CCL11: variants seen among roughly 807,000 people sequenced by gnomAD.
The protein encoded by CCL11 is C-C motif chemokine ligand 11.
A neutral mutation model predicts 7.3 loss-of-function variants in CCL11; 7 were observed. The ratio of observed to expected loss-of-function variants is 0.96; its 90% confidence interval spans 0.55 to 1.81. CCL11 has a LOEUF of 1.81. Ranked by LOEUF, CCL11 falls within the 40% of genes most tolerant of loss-of-function variation. The pLI is 0.00. For synonymous variants in CCL11, 66 were observed against 45.2 expected (o/e 1.46, Z -1.84); for missense variants, 132 against 114.2 (o/e 1.16, Z -0.71).
Position 34,287,901 on chromosome 17 carries a change from ACT to A in CCL11, c.*212_*213del, listed in dbSNP as rs1303438758. On this transcript the variant is annotated 3_prime_UTR_variant, in exon 3 of 3. Transcript: ENST00000305869. ...CTCCATGAATATCAGTTATTTTTAA[ACT>A]GTAAAGCTTTGTGCAGATTCTTTAC... 12 of 231,642 alleles carry A rather than the reference ACT, an allele frequency of 5.2e-5. No individual in the cohort carries two copies. Among genetic ancestry groups the A allele is most frequent in the African/African-American group, 2.7e-4 (12 of 44,158 alleles). 14.3% of individuals were successfully genotyped at this position (231,642 alleles called of 1,614,324 possible).
At chr17:34,286,033 A>ACATCC in intron 1 of CCL11, 149 bp downstream of exon 1, 3 of 599,646 alleles carry the variant, frequency 5.0e-6, no homozygotes, top group Non-Finnish European at 8.8e-6. Flanking sequence ...CCTCAACCTC[A>ACATCC]CATCCAGTCA....
In CCL11 at chr17:34,285,759, C is replaced by A; in HGVS notation, c.-50C>A. 1 of 1,469,954 alleles carries A rather than the reference C, an allele frequency of 6.8e-7. No homozygotes were observed. The highest frequency in any genetic ancestry group is 1.2e-5 in the South Asian group (1 of 84,250). The allele number at this position is 1,469,954 out of a possible 1,614,324, so 91.1% of individuals were successfully genotyped here. A position where few individuals can be genotyped will look rare whatever the true frequency, so the allele number is the denominator to read the frequency against. ...AGAGGAGCAGAGAGGCTGAGACCAA[C>A]CCAGAAACCACCACCTCTCACGCCA... On this transcript the variant is annotated 5_prime_UTR_variant, in exon 1 of 3. Coordinates refer to ENST00000305869, the MANE Select transcript of CCL11 (RefSeq NM_002986.3).
intron 1 of CCL11, 39 bp from the exon 2 acceptor site, chr17:34,287,057 C>G (rs199758114): frequency 1.5e-6 from 2 of 1,371,396 alleles, no homozygotes; most frequent in East Asian, 4.6e-5. Flanking sequence ...TCATGTGGCT[C>G]ATTTTTTTCT....
intron 2 of CCL11, among the ~76,000 whole-genome samples, 153 bp downstream of exon 2, chr17:34,287,360 C>T (rs1908665466): frequency 6.6e-6 from 1 of 152,154 alleles, no homozygotes; most frequent in African/African-American, 2.4e-5. Flanking sequence ...TGTTCACTCC[C>T]AGCTCCCTGC....
In CCL11 at chr17:34,287,624, CAAG is replaced by C. The variant is rs1908676731; in HGVS notation, c.235_237del (p.Lys79del). The C allele has an allele frequency of 1.2e-6, 2 of 1,613,870 alleles. No individual in the cohort carries two copies. The highest frequency in any genetic ancestry group is 1.7e-6 in the Non-Finnish European group (2 of 1,179,924). ...TGGCCAAGGATATCTGTGCCGACCC[CAAG>C]AAGAAGTGGGTGCAGGATTCCATGA... On this transcript the variant is annotated inframe_deletion, in exon 3 of 3. Coordinates refer to ENST00000305869, the MANE Select transcript of CCL11 (RefSeq NM_002986.3).
chr17:34,287,225 A>G lies in CCL11; in HGVS notation c.188+18A>G. The stretch of plus-strand genomic sequence containing the variant: ...GCTGTGATGTAAGTAAATAAAGTTC[A>G]CCCTCCCCTAGACAAAAAAATAATG... On this transcript the variant is annotated intron_variant, in intron 2 of 2. Transcript: ENST00000305869. The G allele has an allele frequency of 6.4e-7, 1 of 1,556,384 alleles. No individual in the cohort carries two copies. Among genetic ancestry groups the G allele is most frequent in the Non-Finnish European group, 8.9e-7 (1 of 1,127,736 alleles).
At position 34,288,274 on chromosome 17, in the gene CCL11, A is replaced by G. The variant is rs965129562; in HGVS notation, c.*584A>G. ...TTTGGCTTAGCTGGTCTTCATTGAA[A>G]TGCAGGGTGAAACTGACAAACCCAT... On this transcript the variant is annotated 3_prime_UTR_variant, in exon 3 of 3. Transcript: ENST00000305869. 6.6e-6 allele frequency: 1 copy of G among 152,296 alleles called. No individual in the cohort carries two copies. The allele number at this position is 152,296 out of a possible 1,614,324, so 9.4% of individuals were successfully genotyped here.
rs1908613936 is a variant in CCL11, at chr17:34,285,852, C to A, written c.44C>A (p.Ala15Asp). 1 of 1,612,442 alleles carries A rather than the reference C, an allele frequency of 6.2e-7. No individual in the cohort carries two copies. Among genetic ancestry groups the A allele is most frequent in the South Asian group, 1.1e-5 (1 of 90,838 alleles). Residue 15 changes from alanine (A) to aspartate (D), a missense_variant, in exon 1 of 3, where the codon GCT becomes GAT. Coordinates refer to ENST00000305869, the MANE Select transcript of CCL11 (RefSeq NM_002986.3). ...CTTCTGTGGCTGCTGCTCATAGCAG[C>A]TGCCTTCAGCCCCCAGGGGCTCGCT... is the stretch of plus-strand genomic sequence containing the variant. ...AALLWLLLIA[A>D]AFSPQGLAGP...
chr17:34,285,925 C>T (rs747562314), intron 1 of CCL11, 41 bp downstream of exon 1: 2 of 1,357,730 alleles, frequency 1.5e-6, no homozygotes, highest in South Asian at 1.2e-5. Context: ...AAGGTAACCA[C>T]CTCCAGAGCT....
chr17:34,287,306 T>C (rs1386382368), intron 2 of CCL11, 99 bp downstream of exon 2: 2 of 833,782 alleles, frequency 2.4e-6, no homozygotes, highest in South Asian at 1.5e-5. Flanking sequence ...TAGACTCTGA[T>C]AGTTTGACCT....
chr17:34,287,757 T>C lies in CCL11; in HGVS notation c.*67T>C. 1 of 980,958 alleles carries C rather than the reference T, an allele frequency of 1.0e-6. No homozygotes were observed. Among genetic ancestry groups the C allele is most frequent in the Non-Finnish European group, 1.6e-6 (1 of 616,872 alleles). The allele number at this position is 980,958 out of a possible 1,614,324, so 60.8% of individuals were successfully genotyped here. A position where few individuals can be genotyped will look rare whatever the true frequency, so the allele number is the denominator to read the frequency against. On this transcript the variant is annotated 3_prime_UTR_variant, in exon 3 of 3. Transcript: ENST00000305869. The stretch of plus-strand genomic sequence containing the variant: ...CCTAATTTGTTTTCCCTTCTTACAA[T>C]GCATTCTGAGGTAACCTCATTATCA...
chr17:34,286,483 T>G (rs1179074706), intron 1 of CCL11, among the ~76,000 whole-genome samples: 1 of 152,210 alleles, frequency 6.6e-6, no homozygotes, highest in Non-Finnish European at 1.5e-5. Flanking sequence ...TTAACAAAAG[T>G]TACTTTCTCA....
rs199822520 is a variant in CCL11 at position 34,287,116 on chromosome 17, T to A, written c.97T>A (p.Cys33Ser). The change falls in exon 2 of 3, where the codon TGC (cysteine) becomes AGC (serine). Residue 33 changes from cysteine (C) to serine (S), a missense_variant. Cys to Ser is a moderately radical substitution (Grantham distance 112). Transcript: ENST00000305869. ...AGPASVPTTC[C>S]FNLANRKIPL... ...TTCAGCTTCTGTCCCAACCACCTGC[T>A]GCTTTAACCTGGCCAATAGGAAGAT... 2 of 1,613,932 alleles carry A rather than the reference T, an allele frequency of 1.2e-6. No individual in the cohort carries two copies. Among genetic ancestry groups the A allele is most frequent in the Non-Finnish European group, 1.7e-6 (2 of 1,179,812 alleles).
chr17:34,285,889 GC>G lies in CCL11; in HGVS notation c.76+11del. 3 of 1,605,464 alleles carry G rather than the reference GC, an allele frequency of 1.9e-6. No individual in the cohort carries two copies. The highest frequency in any genetic ancestry group is 1.3e-5 in the African/African-American group (1 of 74,738). On this transcript the variant is annotated splice_donor_region_variant and intron_variant, in intron 1 of 2. Transcript: ENST00000305869. ...CCCAGGGGCTCGCTGGGCCAGGTAAGCCCCCCAACTCCTTACAGGAAAGGTA... is the reference window on the plus strand; with the variant it reads ...CCCAGGGGCTCGCTGGGCCAGGTAAGCCCCCAACTCCTTACAGGAAAGGTA...
chr17:34,286,319 A>G (rs1417701693), intron 1 of CCL11, among the ~76,000 whole-genome samples: 1 of 151,802 alleles, frequency 6.6e-6, no homozygotes, highest in Non-Finnish European at 1.5e-5. Flanking sequence ...TTATTTTGAC[A>G]CTCTTTGGGA....
At chr17:34,286,995 G>C (rs1032134760) in intron 1 of CCL11, 101 bp from the exon 2 acceptor site, 2 of 786,280 alleles carry the variant, frequency 2.5e-6, no homozygotes, top group Non-Finnish European at 4.4e-6. Flanking sequence ...GCAATTCCTT[G>C]CTTTCTCCTA....
Position 34,285,761 on chromosome 17 carries a change from C to T in CCL11, c.-48C>T. 1 of 1,490,758 alleles carries T rather than the reference C, an allele frequency of 6.7e-7. No individual in the cohort carries two copies. Among genetic ancestry groups the T allele is most frequent in the East Asian group, 2.3e-5 (1 of 43,442 alleles). 92.3% of individuals were successfully genotyped at this position (1,490,758 alleles called of 1,614,324 possible). A position where few individuals can be genotyped will look rare whatever the true frequency, so the allele number is the denominator to read the frequency against. On this transcript the variant is annotated 5_prime_UTR_variant, in exon 1 of 3. Coordinates refer to ENST00000305869, the MANE Select transcript of CCL11 (RefSeq NM_002986.3). The stretch of plus-strand genomic sequence containing the variant: ...AGGAGCAGAGAGGCTGAGACCAACC[C>T]AGAAACCACCACCTCTCACGCCAAA...
intron 1 of CCL11, among the ~76,000 whole-genome samples, chr17:34,286,113 A>T (rs1860184): frequency 0.31 from 47,187 of 152,118 alleles, 7,803 homozygotes; most frequent in East Asian, 0.56. Context: ...GGGTGCATCC[A>T]TACCCAGCTA....
rs1247834223 is a variant in CCL11 at position 34,287,971 on chromosome 17, T to C, written c.*281T>C. Reference sequence around the variant, plus strand: ...TCGATCCCCTGTCACGTGTGGGCAATGTTCCCCCTCTCCTCTCTTCCTCCC... The same window carrying C: ...TCGATCCCCTGTCACGTGTGGGCAACGTTCCCCCTCTCCTCTCTTCCTCCC... On this transcript the variant is annotated 3_prime_UTR_variant, in exon 3 of 3. Transcript: ENST00000305869. 1 of 172,728 alleles carries C rather than the reference T, an allele frequency of 5.8e-6. No individual in the cohort carries two copies. The highest frequency in any genetic ancestry group is 1.2e-5 in the Non-Finnish European group (1 of 82,400). 10.7% of individuals were successfully genotyped at this position (172,728 alleles called of 1,614,324 possible).
Sources: allele counts gnomAD v4.1 joint callset (sites outside exome capture counted in the v4.1 genomes callset), GRCh38; gene constraint gnomAD v4.1.1; transcripts MANE v1.5; gene names NCBI Gene and HGNC (gene_info 2026-07-23, HGNC 2026-07-21).